PANK4: variants seen among roughly 807,000 people sequenced by gnomAD.
PANK4 encodes the protein pantothenate kinase 4 (inactive), also known as 4'-phosphopantetheine phosphatase.
In PANK4, 40 loss-of-function variants were observed where a neutral mutation model predicts 87.9. The observed-to-expected ratio is 0.46, with a 90% CI of 0.35 to 0.59. The LOEUF (loss-of-function observed/expected upper bound fraction) is 0.59. Among genes scored for constraint, PANK4 ranks in the 20% least tolerant of loss-of-function variants. The pLI is 0.00. For synonymous variants in PANK4, 524 were observed against 467.4 expected, an observed-to-expected ratio of 1.12 and a Z score of -1.56; for missense variants, 926 against 1,072.3, an observed-to-expected ratio of 0.86 and a Z score of 1.90.
Position 2,520,943 on chromosome 1 carries a change from C to A in PANK4, c.423-37G>T. 1.3e-6 allele frequency: 2 copies of A among 1,536,936 alleles called. No individual in the cohort carries two copies. The highest frequency in any genetic ancestry group is 1.8e-6 in the Non-Finnish European group (2 of 1,140,596). On this transcript the variant is annotated intron_variant, in intron 3 of 18. Coordinates refer to ENST00000378466, the MANE Select transcript of PANK4 (RefSeq NM_018216.4). The surrounding 1 kb of genome is among the most constrained non-coding windows in gnomAD (Gnocchi z 6.2). ...GCGCCAACCCCTTAAAGAGTCTGGG[C>A]CACAGACAGGTGCAACCATGCAAGC...
At position 2,515,996 on chromosome 1, in the gene PANK4, A is replaced by G. The variant is rs1011592021; in HGVS notation, c.1219-279T>C. ...TCCCCGCTGCAGCCACACCTCCCCA[A>G]TCACCGCTGCAGTCACCCTCCCATC... On this transcript the variant is annotated intron_variant, in intron 9 of 18. Transcript: ENST00000378466. This position sits in a 1 kb window ranked among gnomAD's most constrained non-coding sequence, Gnocchi z 5.0. 1 of 509,758 alleles carries G rather than the reference A, an allele frequency of 2.0e-6. No homozygotes were observed. Among genetic ancestry groups the G allele is most frequent in the Non-Finnish European group, 3.6e-6 (1 of 281,594 alleles). The allele number at this position is 509,758 out of a possible 1,614,324, so 31.6% of individuals were successfully genotyped here.
rs947778948 is a variant in PANK4, at chr1:2,515,792, ACTCT to A, written c.1219-79_1219-76del. 50 of 1,378,940 alleles carry A rather than the reference ACTCT, an allele frequency of 3.6e-5. No homozygotes were observed. The highest frequency in any genetic ancestry group is 7.8e-5 in the Admixed American group (4 of 51,458). 85.4% of individuals were successfully genotyped at this position (1,378,940 alleles called of 1,614,324 possible). A position where few individuals can be genotyped will look rare whatever the true frequency, so the allele number is the denominator to read the frequency against. On this transcript the variant is annotated intron_variant, in intron 9 of 18. Transcript: ENST00000378466. The surrounding 1 kb of genome is among the most constrained non-coding windows in gnomAD (Gnocchi z 5.0). ...ACCCAAGCCACACTCAGAAGCTTCC[ACTCT>A]CTCTCTAAGAAGGGAGATGTACTGC... is the stretch of plus-strand genomic sequence containing the variant.
Position 2,520,689 on chromosome 1 carries a change from C to A in PANK4, c.606+34G>T. Reference sequence around the variant, plus strand: ...AGGGCTTAACAAACTATGGCTAAACCATCCACTCATTCATTCATGAAGCCG... The same window carrying A: ...AGGGCTTAACAAACTATGGCTAAACAATCCACTCATTCATTCATGAAGCCG... On this transcript the variant is annotated intron_variant, in intron 4 of 18. Transcript: ENST00000378466. The surrounding 1 kb of genome is among the most constrained non-coding windows in gnomAD (Gnocchi z 6.2). 6.3e-7 allele frequency: 1 copy of A among 1,589,044 alleles called. No homozygotes were observed.
rs1373581317 is a variant in PANK4, at chr1:2,508,963, C to A, written c.2206G>T (p.Ala736Ser). ...TTGAGGCTCTCGCAGCGCAGGGCTG[C>A]GTGGTAGTTTGTGTGGACAGCACGG... ...MGRAVHTNYHAALRCESLKLA... is the reference protein window; with the variant it reads ...MGRAVHTNYHSALRCESLKLA... The change falls in exon 19 of 19, where the codon GCA becomes TCA. Residue 736 changes from alanine (A) to serine (S), a missense_variant. Coordinates refer to ENST00000378466, the MANE Select transcript of PANK4 (RefSeq NM_018216.4). This position sits in a 1 kb window ranked among gnomAD's most constrained non-coding sequence, Gnocchi z 5.1. 1 of 1,610,182 alleles carries A rather than the reference C, an allele frequency of 6.2e-7. No homozygotes were observed. Among genetic ancestry groups the A allele is most frequent in the Non-Finnish European group, 8.5e-7 (1 of 1,179,254 alleles).
At chr1:2,511,546 G>T in intron 14 of PANK4, 82 bp downstream of exon 14, 1 of 1,152,066 alleles carries the variant, frequency 8.7e-7, no homozygotes, top group Non-Finnish European at 1.3e-6. Context: ...GACCCCGACC[G>T]CAACTGCATT....
chr1:2,516,411 T>C (rs1167151951), intron 9 of PANK4, among the ~76,000 whole-genome samples: 2 of 152,314 alleles, frequency 1.3e-5, no homozygotes, highest in East Asian at 3.9e-4. Context: ...TTCTACCTTA[T>C]GCCGGGAGGA....
chr1:2,513,954 C>CGGGACGGGGACAAGAGCGAGCGGA (rs745488958), intron 12 of PANK4, 48 bp downstream of exon 12: 2 of 1,352,254 alleles, frequency 1.5e-6, no homozygotes, highest in Non-Finnish European at 2.1e-6. Flanking sequence ...GCGGTGCCAG[C>CGGGACGGGGACAAGAGCGAGCGGA]GGGACGGGGA....
intron 1 of PANK4, among the ~76,000 whole-genome samples, chr1:2,525,366 C>T (rs1643911355): frequency 6.6e-6 from 1 of 151,996 alleles, no homozygotes; most frequent in Admixed American, 6.5e-5. Flanking sequence ...CAAGACACAC[C>T]GCTGCTCTTG....
intron 12 of PANK4, among the ~76,000 whole-genome samples, chr1:2,513,439 C>T (rs1259403300): frequency 2.0e-5 from 3 of 152,244 alleles, no homozygotes; most frequent in African/African-American, 2.4e-5. Flanking sequence ...TCCATGCCTC[C>T]GCTGCTGCCC....
chr1:2,518,283 G>C lies in PANK4; in HGVS notation c.1118-19C>G, dbSNP rs760853317. 5.8e-6 allele frequency: 9 copies of C among 1,560,676 alleles called. No individual in the cohort carries two copies. The highest frequency in any genetic ancestry group is 4.5e-5 in the East Asian group (2 of 44,630). On this transcript the variant is annotated intron_variant, in intron 8 of 18. Coordinates refer to ENST00000378466, the MANE Select transcript of PANK4 (RefSeq NM_018216.4). ...TTAGGATCTGGAAAGCAAGAAGCCA[G>C]GTCACTTGTGTTAACCTTGCCCTTG...
chr1:2,514,005 G>A lies in PANK4; in HGVS notation c.1572C>T (p.Ser524=). The A allele has an allele frequency of 1.2e-6, 2 of 1,609,240 alleles. No individual in the cohort carries two copies. The highest frequency in any genetic ancestry group is 2.2e-5 in the South Asian group (2 of 91,028). Residue 524 remains serine (S), a synonymous_variant, in exon 12 of 19, where the codon TCC becomes TCT. Transcript: ENST00000378466. The part of the protein sequence containing the change: ...LNEFNFPDPY[S]KVKQRENGVA... ...GGCCAGGGCACACTGCACTTACTTT[G>A]GAGTAGGGATCCGGGAAGTTGAACT...
chr1:2,522,500 G>A (rs1353810670), intron 1 of PANK4, among the ~76,000 whole-genome samples: 1 of 152,144 alleles, frequency 6.6e-6, no homozygotes, highest in African/African-American at 2.4e-5. Context: ...AATGGAAGGG[G>A]CTCTATGTAC....
rs555108788 is a variant in PANK4, at chr1:2,518,816, C to T, written c.1036-219G>A. On this transcript the variant is annotated intron_variant, in intron 7 of 18. Transcript: ENST00000378466. ...GGGTGAGATAGCTTCTCCCATGCAGCGAGTCCCTGGCCCACAAGTCTCTGC... is the reference window on the plus strand; with the variant it reads ...GGGTGAGATAGCTTCTCCCATGCAGTGAGTCCCTGGCCCACAAGTCTCTGC... Among the ~76,000 whole-genome samples, 11 of 152,374 alleles carry T rather than the reference C, an allele frequency of 7.2e-5. 1 individual carries two copies. The highest frequency in any genetic ancestry group is 2.2e-4 in the African/African-American group (9 of 41,592).
chr1:2,526,342 T>G, intron 1 of PANK4, 122 bp downstream of exon 1: 1 of 474,194 alleles, frequency 2.1e-6, no homozygotes, highest in Non-Finnish European at 2.8e-6. Flanking sequence ...ACAAGGCCCG[T>G]GAGGCTGTGC....
At chr1:2,521,058 G>A in intron 3 of PANK4, 43 bp downstream of exon 3, 1 of 1,568,392 alleles carries the variant, frequency 6.4e-7, no homozygotes, top group Non-Finnish European at 8.8e-7. Context: ...GGGACTCGGG[G>A]GCAGACACAT....
At chr1:2,524,923 CA>C (rs904970090) in intron 1 of PANK4, among the ~76,000 whole-genome samples, 2 of 152,148 alleles carry the variant, frequency 1.3e-5, no homozygotes, top group African/African-American at 4.8e-5. Flanking sequence ...GCTAGGGCTG[CA>C]AGCTCAGCAC....
At position 2,515,466 on chromosome 1, in the gene PANK4, T is replaced by C. The variant is rs1643753048; in HGVS notation, c.1374+96A>G. The C allele has an allele frequency of 3.7e-6, 5 of 1,350,568 alleles. No individual in the cohort carries two copies. Among genetic ancestry groups the C allele is most frequent in the Admixed American group, 1.7e-5 (1 of 59,170 alleles). The allele number at this position is 1,350,568 out of a possible 1,614,324, so 83.7% of individuals were successfully genotyped here. A position where few individuals can be genotyped will look rare whatever the true frequency, so the allele number is the denominator to read the frequency against. ...AAGGGGTTTCTGGACAACACTGGCC[T>C]GTCCCCCTTCGCCACCTTGGCTTTG... On this transcript the variant is annotated intron_variant, in intron 10 of 18. Coordinates refer to ENST00000378466, the MANE Select transcript of PANK4 (RefSeq NM_018216.4). This position sits in a 1 kb window ranked among gnomAD's most constrained non-coding sequence, Gnocchi z 5.0.
chr1:2,520,425 G>A lies in PANK4; in HGVS notation c.607-11C>T. 1 of 1,610,140 alleles carries A rather than the reference G, an allele frequency of 6.2e-7. No individual in the cohort carries two copies. ...GTCCTCCGTCTCCACCTGCAACAGA[G>A]CCAGGGCAGGTGTGCCCTCAGTGGG... On this transcript the variant is annotated splice_polypyrimidine_tract_variant and intron_variant, in intron 4 of 18. Coordinates refer to ENST00000378466, the MANE Select transcript of PANK4 (RefSeq NM_018216.4). This position sits in a 1 kb window ranked among gnomAD's most constrained non-coding sequence, Gnocchi z 6.2.
intron 1 of PANK4, among the ~76,000 whole-genome samples, chr1:2,522,585 A>G (rs1643883775): frequency 6.6e-6 from 1 of 152,336 alleles, no homozygotes; most frequent in African/African-American, 2.4e-5. Context: ...TCTAAGTTAA[A>G]AAAAAAAACA....
Sources: gnomAD v4.1 joint callset for allele counts (sites outside exome capture counted in the v4.1 genomes callset) on GRCh38, gnomAD v4.1.1 for gene constraint, Gnocchi (gnomAD v3.1) non-coding constraint, MANE v1.5 for transcripts, NCBI Gene and HGNC (gene_info 2026-07-23, HGNC 2026-07-21) for gene names.